Variants in DNASE1 observed in about 807,000 individuals in gnomAD.
The protein encoded by DNASE1 is deoxyribonuclease 1.
In DNASE1, 40 loss-of-function variants were observed where a neutral mutation model predicts 33.9. The ratio of observed to expected loss-of-function variants is 1.18; its 90% CI spans 0.92 to 1.54. DNASE1 has a LOEUF of 1.54. DNASE1 is among the 40% of genes most tolerant of loss of function. The pLI, the probability that DNASE1 is intolerant of heterozygous loss-of-function variation, is 0.00. For synonymous variants in DNASE1, 216 were observed against 160.0 expected, an observed-to-expected ratio of 1.35 and a Z score of -2.64; for missense variants, 518 against 372.6, an observed-to-expected ratio of 1.39 and a Z score of -3.21.
intron 1 of DNASE1, among the ~76,000 whole-genome samples, chr16:3,617,926 T>G (rs189943911): frequency 5.1e-4 from 78 of 152,318 alleles, no homozygotes; most frequent in South Asian, 1.5e-3. Context: ...TGAGAATTTC[T>G]GTTGTTTATT....
chr16:3,649,225 C>G (rs947714167), intron 1 of DNASE1, among the ~76,000 whole-genome samples: 17 of 152,224 alleles, frequency 1.1e-4, no homozygotes, highest in African/African-American at 3.9e-4. Context: ...TGGTGACTTT[C>G]AGGTCTAGCA....
upstream of DNASE1, chr16:3,653,806 C>CAAAAAAAAAAAAAAAAAAAAAAAAAAAAA (rs71133649): frequency 1.3e-4 from 5 of 37,038 alleles, 1 homozygote; most frequent in African/African-American, 4.4e-4. Flanking sequence ...GATTCCGCCT[C>CAAAAAAAAAAAAAAAAAAAAAAAAAAAAA]AAAAAAAAAA....
chr16:3,624,976 G>A (rs2041458224), intron 1 of DNASE1, among the ~76,000 whole-genome samples: 1 of 152,134 alleles, frequency 6.6e-6, no homozygotes, highest in Admixed American at 6.5e-5. Context: ...GATTACAGGT[G>A]TGAGCCATCA....
At chr16:3,658,718 C>T, downstream of DNASE1, 1 of 1,385,480 alleles carries the variant, frequency 7.2e-7, no homozygotes, top group Non-Finnish European at 1.0e-6. Context: ...GAGGAAACCG[C>T]TGTTCCACCC....
At chr16:3,660,794 C>A (rs898935157), downstream of DNASE1, 2 of 152,136 alleles carry the variant, frequency 1.3e-5, no homozygotes, top group Non-Finnish European at 2.9e-5. Context: ...GGTGGTAGCC[C>A]ACACTTGTAA....
intron 1 of DNASE1, among the ~76,000 whole-genome samples, chr16:3,635,448 A>G (rs943380098): frequency 1.5e-5 from 2 of 137,512 alleles, no homozygotes; most frequent in African/African-American, 5.6e-5. Flanking sequence ...ACAGAGCCAG[A>G]CTCTGTCTCA....
downstream of DNASE1, chr16:3,662,966 G>A (rs749434626): frequency 2.4e-5 from 38 of 1,607,910 alleles, no homozygotes; most frequent in East Asian, 1.1e-4. Context: ...GGCACTCGGC[G>A]GCTGCGGAAG....
intron 1 of DNASE1, among the ~76,000 whole-genome samples, chr16:3,630,736 TC>T (rs2041671564): frequency 6.6e-6 from 1 of 152,150 alleles, no homozygotes; most frequent in African/African-American, 2.4e-5. Context: ...CTAAAGTGAT[TC>T]TTTTTTGTAG....
upstream of DNASE1, among the ~76,000 whole-genome samples, chr16:3,640,101 C>T (rs139612537): frequency 3.9e-5 from 6 of 152,290 alleles, no homozygotes; most frequent in African/African-American, 1.4e-4. Context: ...GGAGTCTACC[C>T]AATACCCCAC....
chr16:3,661,941 T>G (rs778826816), downstream of DNASE1: 2 of 1,550,134 alleles, frequency 1.3e-6, no homozygotes, highest in East Asian at 2.3e-5. Context: ...ACACACAGGA[T>G]TCTGGGGAAT....
At chr16:3,662,122 C>T (rs138615105), downstream of DNASE1, 541 of 1,611,974 alleles carry the variant, frequency 3.4e-4, 1 homozygote, top group African/African-American at 4.8e-3. Context: ...GGTGTCCAGT[C>T]GGAGGGTCAC....
intron 1 of DNASE1, among the ~76,000 whole-genome samples, chr16:3,626,316 T>G (rs1421509832): frequency 6.6e-6 from 1 of 152,166 alleles, no homozygotes; most frequent in Non-Finnish European, 1.5e-5. Flanking sequence ...GAGTGATCAC[T>G]AAACTCAGCA....
At chr16:3,655,984 G>A in intron 3 of DNASE1, 47 bp downstream of exon 3, 1 of 1,612,500 alleles carries the variant, frequency 6.2e-7, no homozygotes, top group Non-Finnish European at 8.5e-7. Context: ...CTCGTCCACG[G>A]CACAGCCTCA....
At position 3,655,829 on chromosome 16, in the gene DNASE1, C is replaced by T. The variant is rs759853592; in HGVS notation, c.148-20C>T. ...GGGTGGCACCAGCCCTGCTCAGCAC[C>T]ACTGTGGCCCTGCCCCCAGATCCTG... On this transcript the variant is annotated intron_variant, in intron 2 of 8. Transcript: ENST00000246949. The T allele has an allele frequency of 1.2e-6, 2 of 1,612,744 alleles. No individual in the cohort carries two copies. Among genetic ancestry groups the T allele is most frequent in the South Asian group, 1.1e-5 (1 of 91,074 alleles).
chr16:3,618,645 C>G lies in DNASE1; in HGVS notation c.-1359+6639C>G, dbSNP rs2041193000. On this transcript the variant is annotated intron_variant and NMD_transcript_variant, in intron 1 of 11. Transcript: ENST00000570769. The stretch of plus-strand genomic sequence containing the variant: ...TCGGGAGGCTGAGGCAGGAGAATCA[C>G]TTGAACCTGGGAGGCAGAGTTTATG... 2.0e-5 allele frequency among the ~76,000 whole-genome samples: 3 copies of G among 152,164 alleles called. No individual in the cohort carries two copies. The South Asian group carries it at 6.2e-4, about 31-fold the overall frequency.
chr16:3,638,398 C>T (rs185789855), upstream of DNASE1, among the ~76,000 whole-genome samples: 7 of 152,234 alleles, frequency 4.6e-5, no homozygotes, highest in East Asian at 9.6e-4. Flanking sequence ...AGTACAGTGG[C>T]GCAATCTTGG....
At chr16:3,640,726 T>C (rs1270234468), upstream of DNASE1, 2 of 398,418 alleles carry the variant, frequency 5.0e-6, no homozygotes, top group African/African-American at 4.1e-5. Flanking sequence ...GACCACAATA[T>C]GAATGGGAAC....
At chr16:3,662,582 C>G, downstream of DNASE1, 1 of 613,534 alleles carries the variant, frequency 1.6e-6, no homozygotes, top group Non-Finnish European at 3.0e-6. Flanking sequence ...GGTAGCATGT[C>G]CCTTGTTTGG....
upstream of DNASE1, chr16:3,650,824 A>G (rs2042311765): frequency 1.3e-5 from 2 of 152,054 alleles, no homozygotes; most frequent in African/African-American, 4.8e-5. Context: ...CGCCACCCTC[A>G]TTGCCTCATT....
Sources: gnomAD v4.1 joint callset for allele counts (sites outside exome capture counted in the v4.1 genomes callset) on GRCh38, gnomAD v4.1.1 for gene constraint, MANE v1.5 for transcripts, NCBI Gene and HGNC (gene_info 2026-07-23, HGNC 2026-07-21) for gene names.